Variants in ANKRD44 observed in about 807,000 individuals in gnomAD.
ANKRD44 encodes the protein serine/threonine-protein phosphatase 6 regulatory ankyrin repeat subunit B.
Under a neutral mutation model 116.0 loss-of-function variants are expected in ANKRD44, and 35 were observed. That is an observed-to-expected ratio of 0.30 (90% CI 0.23 to 0.40). The LOEUF (loss-of-function observed/expected upper bound fraction) is 0.40. Ranked by LOEUF, ANKRD44 falls within the 10% of genes least tolerant of loss-of-function variation. The pLI is 1.00. For synonymous variants in ANKRD44, 435 were observed against 461.8 expected (o/e 0.94, Z 0.74); for missense variants, 1,014 against 1,242.6 (o/e 0.82, Z 2.77).
chr2:197,099,749 G>A lies in ANKRD44; in HGVS notation c.1100+67C>T, dbSNP rs182859493. On this transcript the variant is annotated intron_variant, in intron 10 of 27. Coordinates refer to ENST00000282272, the MANE Select transcript of ANKRD44 (RefSeq NM_001195144.2). ...GATAAATGGGAACTATCTACTGCACGGAAGAATCTTTTTGGCAGTATTCCC... is the reference window on the plus strand; with the variant it reads ...GATAAATGGGAACTATCTACTGCACAGAAGAATCTTTTTGGCAGTATTCCC... 1.5e-5 allele frequency: 24 copies of A among 1,595,102 alleles called. No homozygotes were observed. In the African/African-American group the frequency reaches 2.3e-4, roughly 15 times the overall value.
intron 21 of ANKRD44, among the ~76,000 whole-genome samples, chr2:196,979,651 C>T (rs1286190222): frequency 6.7e-6 from 1 of 148,780 alleles, no homozygotes; most frequent in Non-Finnish European, 1.5e-5. Context: ...ACAAACTCTG[C>T]CTCCCAATTC....
chr2:196,999,113 G>T, intron 23 of ANKRD44, 61 bp from the exon 24 acceptor site: 1 of 1,580,742 alleles, frequency 6.3e-7, no homozygotes, highest in Non-Finnish European at 8.6e-7. Flanking sequence ...GCTAGTTACT[G>T]CCCAAGAAAC....
At chr2:197,308,047 C>T (rs1437698117) in intron 1 of ANKRD44, among the ~76,000 whole-genome samples, 3 of 151,880 alleles carry the variant, frequency 2.0e-5, no homozygotes, top group African/African-American at 7.3e-5. Context: ...GCACACGCGC[C>T]CATAGTCCCA....
intron 17 of ANKRD44, among the ~76,000 whole-genome samples, chr2:197,023,767 T>A (rs2076540771): frequency 1.3e-5 from 2 of 152,076 alleles, no homozygotes; most frequent in Non-Finnish European, 2.9e-5. Flanking sequence ...TGGGGTAACT[T>A]CCCCAGGCAC....
intron 1 of ANKRD44, among the ~76,000 whole-genome samples, chr2:197,208,015 G>T (rs1187183866): frequency 6.6e-6 from 1 of 152,208 alleles, no homozygotes; most frequent in Non-Finnish European, 1.5e-5. Context: ...TTATTGGGCT[G>T]TTGGTTTTAT....
intron 21 of ANKRD44, among the ~76,000 whole-genome samples, chr2:196,979,173 G>A (rs1320409290): frequency 6.6e-6 from 1 of 151,882 alleles, no homozygotes; most frequent in Non-Finnish European, 1.5e-5. Context: ...GAGGCGGGCG[G>A]ATCACGAGGT....
chr2:197,262,046 G>C (rs2082618821), intron 1 of ANKRD44, among the ~76,000 whole-genome samples: 1 of 152,180 alleles, frequency 6.6e-6, no homozygotes, highest in African/African-American at 2.4e-5. Flanking sequence ...TTTACAATAA[G>C]AGTCTATGAG....
At chr2:197,262,892 G>A (rs914821229) in intron 1 of ANKRD44, among the ~76,000 whole-genome samples, 4 of 151,472 alleles carry the variant, frequency 2.6e-5, no homozygotes, top group Non-Finnish European at 4.4e-5. Context: ...GAAACACAGT[G>A]AGATTCTTTT....
At chr2:197,296,935 T>G (rs2083741243) in intron 1 of ANKRD44, among the ~76,000 whole-genome samples, 1 of 152,248 alleles carries the variant, frequency 6.6e-6, no homozygotes, top group Admixed American at 6.5e-5. Context: ...CACCAATGTT[T>G]TTTAGACATT....
At chr2:197,162,822 C>A (rs1251251417) in intron 2 of ANKRD44, among the ~76,000 whole-genome samples, 3 of 152,200 alleles carry the variant, frequency 2.0e-5, no homozygotes, top group Admixed American at 1.3e-4. Flanking sequence ...CTGTATCAAC[C>A]TAACAACACA....
Position 196,967,912 on chromosome 2 carries a change from A to ACTCTCTCTCTCTCTCTCTCTCT in ANKRD44, c.2369-488_2369-467dup, listed in dbSNP as rs35734167. On this transcript the variant is annotated intron_variant, in intron 21 of 21. Coordinates refer to the ANKRD44 transcript ENST00000424317. ...TGGGGTGGATCCCTCATGGCTTGGCACTCTCTCTCTCTCTCTCTCTCTCTC... is the reference window on the plus strand; with the variant it reads ...TGGGGTGGATCCCTCATGGCTTGGCACTCTCTCTCTCTCTCTCTCTCTCTCTCTCTCTCTCTCTCTCTCTCTC... Among the ~76,000 whole-genome samples the ACTCTCTCTCTCTCTCTCTCTCT allele has an allele frequency of 1.2e-4, 17 of 140,950 alleles. No individual in the cohort carries two copies. In the South Asian group the frequency reaches 2.6e-3, roughly 22 times the overall value. 92.5% of individuals were successfully genotyped at this position (140,950 alleles called of 152,430 possible). A position where few individuals can be genotyped will look rare whatever the true frequency, so the allele number is the denominator to read the frequency against.
Position 196,988,960 on chromosome 2 carries a change from TGCAATGTCTTCTAA to T in ANKRD44, c.*617_*630del. The T allele has an allele frequency of 1.0e-6, 1 of 985,430 alleles. No homozygotes were observed. Among genetic ancestry groups the T allele is most frequent in the Non-Finnish European group, 1.2e-6 (1 of 829,948 alleles). The allele number at this position is 985,430 out of a possible 1,614,324, so 61.0% of individuals were successfully genotyped here. On this transcript the variant is annotated 3_prime_UTR_variant, in exon 28 of 28. Transcript: ENST00000282272. ...TCATCTCGCAGAAGGGCATCCAGAC[TGCAATGTCTTCTAA>T]GCTCTAAGCTGGCTACAGACTGTGG...
At chr2:197,310,000 C>A (rs960404275) in intron 1 of ANKRD44, among the ~76,000 whole-genome samples, 1 of 152,178 alleles carries the variant, frequency 6.6e-6, no homozygotes, top group African/African-American at 2.4e-5. Context: ...GGGACCGGCC[C>A]GATCCGAAAG....
chr2:197,034,559 T>C (rs941974262), intron 16 of ANKRD44, among the ~76,000 whole-genome samples: 32 of 151,312 alleles, frequency 2.1e-4, no homozygotes, highest in African/African-American at 7.5e-4. Context: ...AAAAAATCTA[T>C]TAAAATGTCT....
chr2:197,074,972 G>GA (rs1167628944), intron 16 of ANKRD44, among the ~76,000 whole-genome samples: 1 of 152,074 alleles, frequency 6.6e-6, no homozygotes, highest in African/African-American at 2.4e-5. Flanking sequence ...GAAGCTCCTA[G>GA]AATATGTAAG....
chr2:197,100,946 A>G (rs2078279045), intron 9 of ANKRD44, among the ~76,000 whole-genome samples: 1 of 152,152 alleles, frequency 6.6e-6, no homozygotes, highest in Admixed American at 6.5e-5. Context: ...CTGAGGAACC[A>G]TTTAAAAAGT....
chr2:197,137,768 C>A (rs1300126212), intron 3 of ANKRD44, among the ~76,000 whole-genome samples: 1 of 152,172 alleles, frequency 6.6e-6, no homozygotes, highest in Non-Finnish European at 1.5e-5. Context: ...GGTTATCATA[C>A]TATGCTGTCA....
At chr2:197,037,355 TA>T (rs2076827201) in intron 16 of ANKRD44, among the ~76,000 whole-genome samples, 1 of 152,234 alleles carries the variant, frequency 6.6e-6, no homozygotes, top group Non-Finnish European at 1.5e-5. Flanking sequence ...TTATGACTAG[TA>T]TAGCTTTATT....
At chr2:197,182,832 G>T (rs1190935745) in intron 2 of ANKRD44, among the ~76,000 whole-genome samples, 2 of 152,232 alleles carry the variant, frequency 1.3e-5, no homozygotes, top group African/African-American at 4.8e-5. Flanking sequence ...AAGCTGTGTT[G>T]TTCAAGGGTC....
Sources: gnomAD v4.1 joint callset for allele counts (sites outside exome capture counted in the v4.1 genomes callset) on GRCh38, gnomAD v4.1.1 for gene constraint, MANE v1.5 for transcripts, NCBI Gene and HGNC (gene_info 2026-07-23, HGNC 2026-07-21) for gene names.